NDUFAF2: variants seen among roughly 807,000 people sequenced by gnomAD.
NDUFAF2 encodes the protein NADH dehydrogenase [ubiquinone] 1 alpha subcomplex assembly factor 2.
Under a neutral mutation model 22.8 loss-of-function variants are expected in NDUFAF2, and 13 were observed. The observed-to-expected ratio is 0.57, with a 90% confidence interval of 0.37 to 0.91. The LOEUF (loss-of-function observed/expected upper bound fraction) is 0.91. Ranked by LOEUF, NDUFAF2 falls within the 40% of genes least tolerant of loss-of-function variation. NDUFAF2 has a pLI of 0.01. For missense variants in NDUFAF2, 162 were observed against 195.2 expected (o/e 0.83, Z 1.01); for synonymous variants, 53 against 64.2 (o/e 0.83, Z 0.84).
At chr5:60,961,899 T>C (rs1377521237) in intron 1 of NDUFAF2, among the ~76,000 whole-genome samples, 2 of 151,836 alleles carry the variant, frequency 1.3e-5, no homozygotes, top group Non-Finnish European at 2.9e-5. Flanking sequence ...AGTTTGAGGT[T>C]ACAGTTAACT....
At chr5:61,020,922 C>T (rs929797199) in intron 1 of NDUFAF2, among the ~76,000 whole-genome samples, 1 of 151,330 alleles carries the variant, frequency 6.6e-6, no homozygotes, top group Admixed American at 6.6e-5. Context: ...TCTCGAACTC[C>T]TGACCTCGTG....
At chr5:61,045,918 C>G (rs1751948861) in intron 1 of NDUFAF2, among the ~76,000 whole-genome samples, 1 of 152,116 alleles carries the variant, frequency 6.6e-6, no homozygotes, top group Non-Finnish European at 1.5e-5. Context: ...GAAAAGCTTT[C>G]AACTCTTCAC....
chr5:60,974,943 G>A lies in NDUFAF2; in HGVS notation c.127+29561G>A, dbSNP rs1402377999. ...CATTTCTCCTGCCTCAGCCTCCCAA[G>A]TAACTGAGATTACAGGTGCACACCA... On this transcript the variant is annotated intron_variant, in intron 1 of 3. Transcript: ENST00000296597. Among the ~76,000 whole-genome samples the A allele has an allele frequency of 2.0e-5, 3 of 152,118 alleles. No homozygotes were observed. The East Asian group carries it at 5.8e-4, about 29-fold the overall frequency.
At chr5:61,068,176 GT>G (rs1752253688) in intron 1 of NDUFAF2, among the ~76,000 whole-genome samples, 1 of 151,958 alleles carries the variant, frequency 6.6e-6, no homozygotes. Flanking sequence ...GCCTTAATTT[GT>G]AAAACTTCCT....
intron 3 of NDUFAF2, among the ~76,000 whole-genome samples, chr5:61,143,481 T>C (rs1741087009): frequency 6.6e-6 from 1 of 152,182 alleles, no homozygotes; most frequent in Non-Finnish European, 1.5e-5. Flanking sequence ...TGAAATACTT[T>C]TACATCTTTA....
intron 1 of NDUFAF2, among the ~76,000 whole-genome samples, chr5:60,968,719 A>T (rs1750789755): frequency 6.6e-6 from 1 of 151,812 alleles, no homozygotes; most frequent in Non-Finnish European, 1.5e-5. Flanking sequence ...ATTCAATTAC[A>T]CTCTTCTAGT....
chr5:61,077,330 A>G (rs1362572006), intron 2 of NDUFAF2, among the ~76,000 whole-genome samples: 4 of 151,744 alleles, frequency 2.6e-5, no homozygotes, highest in Non-Finnish European at 2.9e-5. Flanking sequence ...AACATAGGAG[A>G]AAAAAAAAGT....
intron 2 of NDUFAF2, among the ~76,000 whole-genome samples, chr5:61,086,471 C>G (rs1169983306): frequency 6.6e-6 from 1 of 152,076 alleles, no homozygotes; most frequent in Non-Finnish European, 1.5e-5. Flanking sequence ...ATGGAACCAA[C>G]CTGAATATCC....
intron 1 of NDUFAF2, among the ~76,000 whole-genome samples, chr5:60,966,221 G>T (rs1053498138): frequency 6.6e-6 from 1 of 151,746 alleles, no homozygotes; most frequent in Non-Finnish European, 1.5e-5. Flanking sequence ...TCAGTTATTA[G>T]TTTTTTTTCC....
chr5:60,989,268 G>A (rs1371205196), intron 1 of NDUFAF2, among the ~76,000 whole-genome samples: 3 of 152,120 alleles, frequency 2.0e-5, no homozygotes, highest in South Asian at 2.1e-4. Flanking sequence ...TACAGATGCT[G>A]GAGGGGTTAT....
At chr5:60,971,823 T>C (rs1044165232) in intron 1 of NDUFAF2, among the ~76,000 whole-genome samples, 1 of 152,128 alleles carries the variant, frequency 6.6e-6, no homozygotes, top group Non-Finnish European at 1.5e-5. Context: ...TAGTATTCCA[T>C]GGTGTGTATG....
intron 3 of NDUFAF2, among the ~76,000 whole-genome samples, chr5:61,108,998 A>G (rs1323182851): frequency 1.3e-5 from 2 of 151,962 alleles, no homozygotes; most frequent in Non-Finnish European, 2.9e-5. Context: ...TGTGAATGTC[A>G]TTGGTATTTT....
intron 3 of NDUFAF2, among the ~76,000 whole-genome samples, chr5:61,130,600 A>C (rs1281329190): frequency 6.6e-6 from 1 of 152,062 alleles, no homozygotes. Context: ...TTTTTCGGAG[A>C]AGGAGTCAAT....
At chr5:61,085,799 T>C (rs1226849271) in intron 2 of NDUFAF2, among the ~76,000 whole-genome samples, 1 of 152,094 alleles carries the variant, frequency 6.6e-6, no homozygotes, top group Non-Finnish European at 1.5e-5. Flanking sequence ...CAAAAATATA[T>C]CCAAGACCTT....
At chr5:60,958,641 G>T (rs1287409353) in intron 1 of NDUFAF2, among the ~76,000 whole-genome samples, 2 of 152,062 alleles carry the variant, frequency 1.3e-5, no homozygotes, top group Non-Finnish European at 2.9e-5. Context: ...TGCTGAAAAA[G>T]CAGCTATTCA....
intron 3 of NDUFAF2, among the ~76,000 whole-genome samples, chr5:61,123,207 T>C (rs2111801562): frequency 6.6e-6 from 1 of 152,234 alleles, no homozygotes; most frequent in Middle Eastern, 3.4e-3. Context: ...ACATAAGCCA[T>C]AAAAAATTCA....
intron 3 of NDUFAF2, among the ~76,000 whole-genome samples, chr5:61,111,937 G>T (rs1752847396): frequency 6.6e-6 from 1 of 151,020 alleles, no homozygotes; most frequent in Admixed American, 6.6e-5. Flanking sequence ...TGTATTTTTT[G>T]TAGTAGAGAC....
chr5:61,017,186 C>T (rs1751522769), intron 1 of NDUFAF2, among the ~76,000 whole-genome samples: 1 of 152,112 alleles, frequency 6.6e-6, no homozygotes, highest in Non-Finnish European at 1.5e-5. Context: ...CTGATTATGT[C>T]CTAATAAGAT....
At chr5:61,153,026 AT>A, downstream of NDUFAF2, 1 of 1,521,248 alleles carries the variant, frequency 6.6e-7, no homozygotes, top group Non-Finnish European at 9.0e-7. Flanking sequence ...GTGAAAAGTT[AT>A]TTACCTTGTA....
Sources: gnomAD v4.1 joint callset for allele counts (sites outside exome capture counted in the v4.1 genomes callset) on GRCh38, gnomAD v4.1.1 for gene constraint, MANE v1.5 for transcripts, NCBI Gene and HGNC (gene_info 2026-07-23, HGNC 2026-07-21) for gene names.